AGTPBP1: variants seen among roughly 807,000 people sequenced by gnomAD.
AGTPBP1 encodes the protein cytosolic carboxypeptidase 1.
AGTPBP1 carries 70 observed loss-of-function variants against 143.9 expected under a neutral mutation model. That is an observed-to-expected ratio of 0.49 (90% CI 0.40 to 0.59). The LOEUF (loss-of-function observed/expected upper bound fraction) is 0.59. Ranked by LOEUF, AGTPBP1 falls within the 20% of genes least tolerant of loss-of-function variation. The probability of loss-of-function intolerance (pLI) is 0.00; values close to 1 mark genes in which losing one functional copy is unlikely to be tolerated. For missense variants in AGTPBP1, 1,229 were observed against 1,464.5 expected (o/e 0.84, Z 2.62); for synonymous variants, 463 against 500.2 (o/e 0.93, Z 0.99).
At chr9:85,767,702 G>A in the AGTPBP1 span, among the ~76,000 whole-genome samples, 2 of 151,860 alleles carry the variant, frequency 1.3e-5, no homozygotes, top group African/African-American at 2.4e-5. Context: ...GGCTGGTCTC[G>A]AACTCCTGAC....
chr9:85,631,910 C>G (rs575374545), intron 14 of AGTPBP1, among the ~76,000 whole-genome samples: 1 of 152,160 alleles, frequency 6.6e-6, no homozygotes, highest in African/African-American at 2.4e-5. Flanking sequence ...TTTGCAATAT[C>G]TAATCTTACT....
chr9:85,758,299 A>G, the AGTPBP1 span, among the ~76,000 whole-genome samples: 1 of 152,238 alleles, frequency 6.6e-6, no homozygotes, highest in Admixed American at 6.5e-5. Context: ...ATGACTATCT[A>G]TAAAGAACTA....
chr9:85,778,743 G>GC, the AGTPBP1 span, among the ~76,000 whole-genome samples: 70 of 152,246 alleles, frequency 4.6e-4, no homozygotes, highest in African/African-American at 1.6e-3. Context: ...ATCTCGACAG[G>GC]CCCCACACCA....
chr9:85,753,307 A>C, the AGTPBP1 span: 1 of 1,613,848 alleles, frequency 6.2e-7, no homozygotes. Flanking sequence ...TTTCTATAGG[A>C]ACTACAATTA....
the AGTPBP1 span, among the ~76,000 whole-genome samples, chr9:85,756,920 C>T: frequency 6.7e-6 from 1 of 150,126 alleles, no homozygotes; most frequent in South Asian, 2.1e-4. Flanking sequence ...GAGACAAAAA[C>T]TAGAATAGTG....
At chr9:85,661,938 G>A (rs961105504) in intron 8 of AGTPBP1, among the ~76,000 whole-genome samples, 3 of 152,132 alleles carry the variant, frequency 2.0e-5, no homozygotes, top group Admixed American at 6.6e-5. Context: ...ACAGTAGCAA[G>A]TTCTTCGTGG....
rs531455457 is a variant in AGTPBP1, at chr9:85,620,143, G to A, written c.2100-842C>T. ...AAAAGTGTTTTAGCCAGGCACGGTGGGTCACACTTGTAATCCCGGTACTTT... is the reference window on the plus strand; with the variant it reads ...AAAAGTGTTTTAGCCAGGCACGGTGAGTCACACTTGTAATCCCGGTACTTT... On this transcript the variant is annotated intron_variant, in intron 15 of 25. Transcript: ENST00000357081. Among the ~76,000 whole-genome samples, 5 of 152,206 alleles carry A rather than the reference G, an allele frequency of 3.3e-5. 1 individual carries two copies. In the South Asian group the frequency reaches 8.3e-4, roughly 25 times the overall value.
intron 3 of AGTPBP1, among the ~76,000 whole-genome samples, chr9:85,688,394 C>G (rs1041926722): frequency 6.6e-6 from 1 of 151,956 alleles, no homozygotes; most frequent in Non-Finnish European, 1.5e-5. Context: ...CAACAAATTA[C>G]AGTAAGCCTC....
intron 20 of AGTPBP1, 21 bp from the exon 21 acceptor site, chr9:85,588,499 C>G: frequency 1.9e-6 from 3 of 1,601,924 alleles, no homozygotes. Flanking sequence ...CATAAAATCT[C>G]AAATTAAAAT....
Position 85,657,453 on chromosome 9 carries a change from A to G in AGTPBP1, c.891T>C (p.Ile297=). 6.2e-7 allele frequency: 1 copy of G among 1,613,124 alleles called. No homozygotes were observed. The highest frequency in any genetic ancestry group is 8.5e-7 in the Non-Finnish European group (1 of 1,179,456). The part of the protein sequence containing the change: ...KAFIDANGMK[I]LYNTSQECLA... ...AACTCACTTGCGAAGTATTATACAG[A>G]ATTTTCATCCCATTGGCATCAATAA... is the stretch of plus-strand genomic sequence containing the variant. Residue 297 remains isoleucine, a synonymous_variant, in exon 10 of 26, where the codon ATT becomes ATC. Coordinates refer to ENST00000357081, the MANE Select transcript of AGTPBP1 (RefSeq NM_001330701.2).
At chr9:85,649,479 A>G (rs897388787) in intron 11 of AGTPBP1, among the ~76,000 whole-genome samples, 19 of 152,004 alleles carry the variant, frequency 1.2e-4, no homozygotes, top group Admixed American at 7.9e-4. Flanking sequence ...TTTACAATTG[A>G]TTTGCTTGGA....
chr9:85,660,847 G>A (rs1833812475), intron 9 of AGTPBP1, 89 bp downstream of exon 9: 1 of 1,040,500 alleles, frequency 9.6e-7, no homozygotes, highest in Non-Finnish European at 1.4e-6. Flanking sequence ...TATAACTATA[G>A]TCTAAATCTA....
chr9:85,785,608 C>T, the AGTPBP1 span: 1 of 156,506 alleles, frequency 6.4e-6, no homozygotes, highest in Admixed American at 6.3e-5. Context: ...CCCCAGAGTA[C>T]ATTCAGACAG....
At chr9:85,702,466 G>C (rs758280630) in intron 2 of AGTPBP1, among the ~76,000 whole-genome samples, 3 of 151,492 alleles carry the variant, frequency 2.0e-5, no homozygotes, top group Non-Finnish European at 4.4e-5. Flanking sequence ...TTTAAGTATT[G>C]CCAGTTCACA....
intron 25 of AGTPBP1, among the ~76,000 whole-genome samples, chr9:85,552,202 T>C (rs567512845): frequency 2.9e-4 from 44 of 152,348 alleles, no homozygotes; most frequent in African/African-American, 9.6e-4. Flanking sequence ...TCTGACAGGA[T>C]GAATGCATTG....
intron 14 of AGTPBP1, among the ~76,000 whole-genome samples, chr9:85,626,981 A>C (rs772282385): frequency 6.6e-5 from 10 of 152,228 alleles, no homozygotes; most frequent in Non-Finnish European, 1.0e-4. Flanking sequence ...CACAGACCGC[A>C]GTATGCCAAC....
At chr9:85,752,691 T>A in the AGTPBP1 span, among the ~76,000 whole-genome samples, 1 of 152,296 alleles carries the variant, frequency 6.6e-6, no homozygotes, top group South Asian at 2.1e-4. Flanking sequence ...ACCTCACGAA[T>A]ATGTACAATT....
chr9:85,792,786 T>C, the AGTPBP1 span, among the ~76,000 whole-genome samples: 34 of 152,324 alleles, frequency 2.2e-4, no homozygotes, highest in African/African-American at 7.9e-4. Context: ...ATAAATGCTT[T>C]ATCAAATGAA....
intron 2 of AGTPBP1, among the ~76,000 whole-genome samples, chr9:85,708,194 C>T (rs1008268799): frequency 6.6e-6 from 1 of 152,116 alleles, no homozygotes; most frequent in East Asian, 1.9e-4. Flanking sequence ...CTCTTTTTTA[C>T]ATCACCCTAA....
Sources: allele counts gnomAD v4.1 joint callset (sites outside exome capture counted in the v4.1 genomes callset), GRCh38; gene constraint gnomAD v4.1.1; transcripts MANE v1.5; gene names NCBI Gene and HGNC (gene_info 2026-07-23, HGNC 2026-07-21).